FARP2: variants seen among roughly 807,000 people sequenced by gnomAD.
FARP2 encodes the protein FERM, ARH/RhoGEF and pleckstrin domain protein 2.
FARP2 carries 111 observed loss-of-function variants against 130.5 expected under a neutral mutation model. The observed-to-expected ratio is 0.85, with a 90% CI of 0.73 to 1.00. The LOEUF is 1.00. Among genes scored for constraint, FARP2 ranks in the 50% least tolerant of loss-of-function variants. The probability of loss-of-function intolerance (pLI) is 0.00; values close to 1 mark genes in which losing one functional copy is unlikely to be tolerated. For synonymous variants in FARP2, 504 were observed against 516.9 expected (o/e 0.98, Z 0.34); for missense variants, 1,385 against 1,346.3 (o/e 1.03, Z -0.45).
Position 241,491,129 on chromosome 2 carries a change from G to C in FARP2, c.2573G>C (p.Gly858Ala). 5 of 1,613,340 alleles carry C rather than the reference G, an allele frequency of 3.1e-6. No homozygotes were observed. Among genetic ancestry groups the C allele is most frequent in the Non-Finnish European group, 4.2e-6 (5 of 1,179,976 alleles). ...NSAIQAAKSG[G>A]DTAPALPGRT... ...GCGATCCAAGCAGCCAAGAGTGGCG[G>C]TGACACGGCCCCTGCACTGCCAGGC... Residue 858 changes from glycine (G) to alanine (A), a missense_variant, in exon 23 of 27, where the codon GGT (glycine) becomes GCT (alanine). Coordinates refer to ENST00000264042, the MANE Select transcript of FARP2 (RefSeq NM_014808.4).
At chr2:241,363,525 C>G (rs989827255) in intron 1 of FARP2, among the ~76,000 whole-genome samples, 6 of 152,230 alleles carry the variant, frequency 3.9e-5, no homozygotes, top group Admixed American at 3.3e-4. Flanking sequence ...AAAGTGACCC[C>G]ATGAAGTTGT....
chr2:241,372,098 T>C (rs2061436914), intron 1 of FARP2, among the ~76,000 whole-genome samples: 1 of 152,068 alleles, frequency 6.6e-6, no homozygotes, highest in Non-Finnish European at 1.5e-5. Context: ...AGCATAGCAC[T>C]GTTAGACTTA....
rs575573353 is a variant in FARP2 at position 241,374,969 on chromosome 2, C to T, written c.183+1679C>T. Among the ~76,000 whole-genome samples, 30 of 152,138 alleles carry T rather than the reference C, an allele frequency of 2.0e-4. 1 individual carries two copies. In the South Asian group the frequency reaches 5.8e-3, roughly 29 times the overall value. On this transcript the variant is annotated intron_variant, in intron 2 of 26. Transcript: ENST00000264042. ...TCCCAAATCTTTTTCTTTTTTGAGG[C>T]GGAGTCTTGCCCTGTCACCCAGGCT... is the stretch of plus-strand genomic sequence containing the variant.
chr2:241,428,366 C>T (rs979858223), intron 8 of FARP2, among the ~76,000 whole-genome samples: 2 of 150,916 alleles, frequency 1.3e-5, no homozygotes, highest in Admixed American at 1.3e-4. Context: ...TGCTGAGTAG[C>T]TAGGATTACA....
chr2:241,447,949 C>T (rs939829649), intron 13 of FARP2, among the ~76,000 whole-genome samples: 1 of 152,326 alleles, frequency 6.6e-6, no homozygotes, highest in South Asian at 2.1e-4. Context: ...AAAGCACCTG[C>T]TGCCCAGTGG....
chr2:241,401,871 C>A (rs886666340), intron 2 of FARP2, among the ~76,000 whole-genome samples: 1 of 151,912 alleles, frequency 6.6e-6, no homozygotes. Flanking sequence ...CTTACTGCAA[C>A]ATCCGCCTCC....
chr2:241,377,991 T>G (rs1055913406), intron 2 of FARP2, among the ~76,000 whole-genome samples: 2 of 152,256 alleles, frequency 1.3e-5, no homozygotes, highest in African/African-American at 4.8e-5. Flanking sequence ...TATGTTCCAA[T>G]TTCTCCACAT....
chr2:241,386,229 C>G (rs931987321), intron 2 of FARP2, among the ~76,000 whole-genome samples: 1 of 152,044 alleles, frequency 6.6e-6, no homozygotes, highest in Non-Finnish European at 1.5e-5. Flanking sequence ...AGTGCCCCAC[C>G]ACACCCAGCC....
At chr2:241,469,423 G>T (rs1207332038) in intron 18 of FARP2, among the ~76,000 whole-genome samples, 2 of 152,060 alleles carry the variant, frequency 1.3e-5, no homozygotes, top group Admixed American at 1.3e-4. Context: ...ATTAAAAATA[G>T]ATGAAAAAAT....
intron 1 of FARP2, among the ~76,000 whole-genome samples, chr2:241,371,679 C>T (rs964681541): frequency 2.0e-5 from 3 of 152,062 alleles, no homozygotes; most frequent in East Asian, 1.9e-4. Context: ...TAAAATAATG[C>T]GTGCAGTGCT....
chr2:241,430,999 C>A (rs149404479), intron 8 of FARP2, among the ~76,000 whole-genome samples: 5,061 of 127,644 alleles, frequency 0.04, 490 homozygotes, highest in Admixed American at 0.22. Context: ...GACTCTGTCT[C>A]AAAAAAAAAA....
intron 2 of FARP2, among the ~76,000 whole-genome samples, chr2:241,396,371 A>G (rs2062027840): frequency 6.6e-6 from 1 of 152,072 alleles, no homozygotes; most frequent in Non-Finnish European, 1.5e-5. Flanking sequence ...GCACAGCAAA[A>G]GAAACTACCA....
In FARP2 at chr2:241,462,521, A is replaced by G. The variant is rs141636708; in HGVS notation, c.1588-2A>G. ...ACACTTACAGCTCTCTGCTTCTTTC[A>G]GCGCGTGCCTGCAGACGAGGCCTAC... On this transcript the variant is annotated splice_acceptor_variant, in intron 14 of 26. Coordinates refer to ENST00000264042, the MANE Select transcript of FARP2 (RefSeq NM_014808.4). LOFTEE classifies it high-confidence loss of function. 3.2e-5 allele frequency: 51 copies of G among 1,611,492 alleles called. No homozygotes were observed. Among genetic ancestry groups the G allele is most frequent in the Non-Finnish European group, 4.0e-5 (47 of 1,177,700 alleles).
At chr2:241,429,847 C>CT (rs1388400404) in intron 8 of FARP2, among the ~76,000 whole-genome samples, 3 of 152,220 alleles carry the variant, frequency 2.0e-5, no homozygotes, top group African/African-American at 7.2e-5. Flanking sequence ...GCTCCAGAGG[C>CT]TGAGACAGGA....
chr2:241,356,655 C>T lies in FARP2; in HGVS notation c.-25+267C>T, dbSNP rs2061073852. On this transcript the variant is annotated intron_variant, in intron 1 of 26. Coordinates refer to ENST00000264042, the MANE Select transcript of FARP2 (RefSeq NM_014808.4). ...GGCCGGGGAGTGGCCCGCGTGGACT[C>T]CCGGGTTGAGGGGTGCCGCGTGGAG... Among the ~76,000 whole-genome samples, 4 of 151,654 alleles carry T rather than the reference C, an allele frequency of 2.6e-5. No homozygotes were observed. In the South Asian group the frequency reaches 8.3e-4, roughly 32 times the overall value.
intron 1 of FARP2, among the ~76,000 whole-genome samples, chr2:241,359,525 A>T (rs911799333): frequency 2.0e-5 from 3 of 152,058 alleles, no homozygotes; most frequent in African/African-American, 7.2e-5. Flanking sequence ...ATCCTTTCCC[A>T]GCTGCTCCTG....
chr2:241,380,690 ATATATTATATTATATGGGAT>A (rs991147134), intron 2 of FARP2, among the ~76,000 whole-genome samples: 2 of 150,018 alleles, frequency 1.3e-5, no homozygotes, highest in Non-Finnish European at 3.0e-5. Flanking sequence ...TATAATAATA[ATATATTATATTATATGGGAT>A]TATATTATAT....
intron 21 of FARP2, 120 bp from the exon 22 acceptor site, chr2:241,489,842 G>T: frequency 1.5e-6 from 1 of 664,236 alleles, no homozygotes; most frequent in South Asian, 1.7e-5. Context: ...TGTGCACTTG[G>T]ACAGCACTGG....
chr2:241,412,278 C>T (rs1346850610), intron 6 of FARP2, among the ~76,000 whole-genome samples: 2 of 152,138 alleles, frequency 1.3e-5, no homozygotes, highest in Non-Finnish European at 2.9e-5. Flanking sequence ...AAAGATCCGC[C>T]CCCATGAGTC....
Sources: allele counts gnomAD v4.1 joint callset (sites outside exome capture counted in the v4.1 genomes callset), GRCh38; gene constraint gnomAD v4.1.1; transcripts MANE v1.5; gene names NCBI Gene and HGNC (gene_info 2026-07-23, HGNC 2026-07-21).